KTN1: variants seen among roughly 807,000 people sequenced by gnomAD.
The protein encoded by KTN1 is kinectin.
In KTN1, 130 loss-of-function variants were observed where a neutral mutation model predicts 222.5. The ratio of observed to expected loss-of-function variants is 0.58; its 90% confidence interval spans 0.51 to 0.68. KTN1 has a LOEUF of 0.68. Among genes scored for constraint, KTN1 ranks in the 30% least tolerant of loss-of-function variants. KTN1 has a pLI of 0.00. For missense variants in KTN1, 1,508 were observed against 1,500.4 expected, an observed-to-expected ratio of 1.01 and a Z score of -0.08; for synonymous variants, 512 against 496.3, an observed-to-expected ratio of 1.03 and a Z score of -0.42.
chr14:55,672,085 T>C (rs1566846496), intron 37 of KTN1: 2 of 513,408 alleles, frequency 3.9e-6, no homozygotes, highest in East Asian at 6.5e-5. Context: ...TTTTAAAGTA[T>C]GACTAAAGGG....
intron 29 of KTN1, among the ~76,000 whole-genome samples, chr14:55,657,778 G>A (rs963781166): frequency 6.6e-6 from 1 of 152,036 alleles, no homozygotes. Flanking sequence ...GCCGGGCATG[G>A]TGGCAGGTGC....
chr14:55,627,595 T>C (rs1439342003), intron 5 of KTN1, among the ~76,000 whole-genome samples: 2 of 152,164 alleles, frequency 1.3e-5, no homozygotes, highest in African/African-American at 2.4e-5. Context: ...CCTAATGCTA[T>C]CCCTCCCCTA....
chr14:55,651,036 A>G lies in KTN1; in HGVS notation c.2565+399A>G, dbSNP rs1393783609. 5.9e-5 allele frequency among the ~76,000 whole-genome samples: 9 copies of G among 152,182 alleles called. No individual in the cohort carries two copies. In the East Asian group the frequency reaches 1.7e-3, roughly 29 times the overall value. On this transcript the variant is annotated intron_variant, in intron 24 of 43. Coordinates refer to ENST00000395314, the MANE Select transcript of KTN1 (RefSeq NM_001079521.2). Reference sequence around the variant, plus strand: ...AAAGTACAAGTTTCATTGGGATTTCAGACATAGATGTGATTACTGGAAATT... The same window carrying G: ...AAAGTACAAGTTTCATTGGGATTTCGGACATAGATGTGATTACTGGAAATT...
rs1242967109 is a variant in KTN1 at position 55,640,988 on chromosome 14, C to T, written c.2021+18C>T. 6.3e-7 allele frequency: 1 copy of T among 1,590,790 alleles called. No individual in the cohort carries two copies. The highest frequency in any genetic ancestry group is 8.6e-7 in the Non-Finnish European group (1 of 1,159,758). On this transcript the variant is annotated intron_variant, in intron 16 of 43. Coordinates refer to ENST00000395314, the MANE Select transcript of KTN1 (RefSeq NM_001079521.2). The stretch of plus-strand genomic sequence containing the variant: ...CAACAAAGGTGACTAAAGTATTGTA[C>T]ATCTAGTCGTTCATACATTTATGTT...
intron 14 of KTN1, 34 bp from the exon 15 acceptor site, chr14:55,640,340 T>G (rs1477101449): frequency 7.5e-7 from 1 of 1,326,364 alleles, no homozygotes; most frequent in Non-Finnish European, 1.1e-6. Flanking sequence ...TCAGTTGTAT[T>G]AAGTATTTTA....
At chr14:55,650,501 G>A in intron 23 of KTN1, 68 bp from the exon 24 acceptor site, 1 of 1,503,704 alleles carries the variant, frequency 6.7e-7, no homozygotes. Context: ...GTTTTTGTCT[G>A]TGCATTGCAT....
intron 43 of KTN1, chr14:55,683,382 T>A (rs1379769462): frequency 6.6e-6 from 1 of 152,188 alleles, no homozygotes; most frequent in Admixed American, 6.5e-5. Flanking sequence ...TTAAACTAAT[T>A]GAAAGTAACT....
At chr14:55,681,156 C>T (rs2046330518) in intron 43 of KTN1, 1 of 156,230 alleles carries the variant, frequency 6.4e-6, no homozygotes, top group Non-Finnish European at 1.4e-5. Flanking sequence ...GCTTTTCTTC[C>T]TGCTATTTCA....
At chr14:55,653,208 T>C (rs2043123450) in intron 27 of KTN1, 123 bp downstream of exon 27, 1 of 718,534 alleles carries the variant, frequency 1.4e-6, no homozygotes. Context: ...TGTTGTACCA[T>C]AGTTTTGTTG....
At position 55,659,704 on chromosome 14, in the gene KTN1, G is replaced by A; in HGVS notation, c.2999+1G>A. On this transcript the variant is annotated splice_donor_variant, in intron 31 of 43. Transcript: ENST00000395314. LOFTEE classifies it high-confidence loss of function. ...CCCCTCATGAAGAATTATTAAAAGT[G>A]TAAGTAATAAGTTTGAGTCACAGTT... 6.9e-7 allele frequency: 1 copy of A among 1,457,184 alleles called. No homozygotes were observed. Among genetic ancestry groups the A allele is most frequent in the Non-Finnish European group, 9.6e-7 (1 of 1,039,112 alleles). 90.3% of individuals were successfully genotyped at this position (1,457,184 alleles called of 1,614,324 possible).
chr14:55,658,721 T>G lies in KTN1; in HGVS notation c.2961+107T>G, dbSNP rs2043777681. Reference sequence around the variant, plus strand: ...TTCTGCATTTTCATTGAGAATGAAGTATGTTTTATTTATGTTTATCAAATT... The same window carrying G: ...TTCTGCATTTTCATTGAGAATGAAGGATGTTTTATTTATGTTTATCAAATT... On this transcript the variant is annotated intron_variant, in intron 30 of 43. Transcript: ENST00000395314. 2.4e-5 allele frequency: 16 copies of G among 676,168 alleles called. 1 individual carries two copies. The South Asian group carries it at 3.1e-4, about 13-fold the overall frequency. 41.9% of individuals were successfully genotyped at this position (676,168 alleles called of 1,614,324 possible).
rs141271997 is a variant in KTN1 at position 55,610,240 on chromosome 14, C to T, written c.-30-1779C>T. Among the ~76,000 whole-genome samples, 10 of 152,174 alleles carry T rather than the reference C, an allele frequency of 6.6e-5. No individual in the cohort carries two copies. In the South Asian group the frequency reaches 1.0e-3, roughly 16 times the overall value. The stretch of plus-strand genomic sequence containing the variant: ...TTGGCTTCAGGACCCCTGTGTATAC[C>T]TAAATCTAAGCATGCTGGAAGTCCT... On this transcript the variant is annotated intron_variant, in intron 1 of 43. Coordinates refer to ENST00000395314, the MANE Select transcript of KTN1 (RefSeq NM_001079521.2).
intron 1 of KTN1, among the ~76,000 whole-genome samples, chr14:55,598,819 T>G (rs2035499840): frequency 6.6e-6 from 1 of 152,252 alleles, no homozygotes; most frequent in African/African-American, 2.4e-5. Context: ...AACAAATGTT[T>G]AAATATCTTT....
chr14:55,652,631 C>A (rs922402806), intron 25 of KTN1, among the ~76,000 whole-genome samples: 1 of 152,154 alleles, frequency 6.6e-6, no homozygotes, highest in South Asian at 2.1e-4. Flanking sequence ...GATCTCCTGA[C>A]CTTGTGATCC....
In KTN1 at chr14:55,646,953, T is replaced by C. The variant is rs2042427149; in HGVS notation, c.2173-20T>C. On this transcript the variant is annotated intron_variant, in intron 18 of 43. Transcript: ENST00000395314. Reference sequence around the variant, plus strand: ...GCAAATTTGGTAAAGTTAAACTTTTTTTGGTGATTTTTATTTTAGCCTAAT... The same window carrying C: ...GCAAATTTGGTAAAGTTAAACTTTTCTTGGTGATTTTTATTTTAGCCTAAT... 6.7e-7 allele frequency: 1 copy of C among 1,481,886 alleles called. No homozygotes were observed. The highest frequency in any genetic ancestry group is 9.4e-7 in the Non-Finnish European group (1 of 1,065,002). 91.8% of individuals were successfully genotyped at this position (1,481,886 alleles called of 1,614,324 possible). A position where few individuals can be genotyped will look rare whatever the true frequency, so the allele number is the denominator to read the frequency against.
intron 1 of KTN1, among the ~76,000 whole-genome samples, chr14:55,582,004 C>A (rs1034693864): frequency 6.6e-6 from 1 of 151,280 alleles, no homozygotes; most frequent in Non-Finnish European, 1.5e-5. Flanking sequence ...AATGTCTCTT[C>A]TAATTTTGTA....
At chr14:55,584,827 T>C (rs78432811) in intron 1 of KTN1, among the ~76,000 whole-genome samples, 8,705 of 152,228 alleles carry the variant, frequency 0.057, 345 homozygotes, top group Non-Finnish European at 0.083. Flanking sequence ...AATAAGAATT[T>C]GTTGAACACA....
chr14:55,603,674 G>C (rs2036306271), intron 1 of KTN1, among the ~76,000 whole-genome samples: 1 of 152,092 alleles, frequency 6.6e-6, no homozygotes, highest in Non-Finnish European at 1.5e-5. Context: ...TTTAAATATA[G>C]TCCATTTGCT....
chr14:55,600,465 G>A (rs1365867934), intron 1 of KTN1, among the ~76,000 whole-genome samples: 1 of 152,118 alleles, frequency 6.6e-6, no homozygotes, highest in Non-Finnish European at 1.5e-5. Flanking sequence ...GTTATAGGAT[G>A]ATGTGATTTT....
Sources: allele counts gnomAD v4.1 joint callset (sites outside exome capture counted in the v4.1 genomes callset), GRCh38; gene constraint gnomAD v4.1.1; transcripts MANE v1.5; gene names NCBI Gene and HGNC (gene_info 2026-07-23, HGNC 2026-07-21).